The following ZNF277 variants were observed in gnomAD, a reference collection of about 807,000 sequenced individuals.
The protein encoded by ZNF277 is nuclear receptor-interacting factor 4.
ZNF277 carries 55 observed loss-of-function variants against 60.7 expected under a neutral mutation model. The ratio of observed to expected loss-of-function variants is 0.91; its 90% confidence interval spans 0.73 to 1.13. The LOEUF is 1.13. Among genes scored for constraint, ZNF277 ranks in the 50% most tolerant of loss-of-function variants. The probability of loss-of-function intolerance (pLI) is 0.00; values close to 1 mark genes in which losing one functional copy is unlikely to be tolerated. For missense variants in ZNF277, 510 were observed against 523.0 expected (o/e 0.98, Z 0.24); for synonymous variants, 178 against 179.3 (o/e 0.99, Z 0.06).
chr7:112,334,295 C>G (rs1793285392), intron 7 of ZNF277, among the ~76,000 whole-genome samples: 1 of 151,702 alleles, frequency 6.6e-6, no homozygotes, highest in East Asian at 1.9e-4. Context: ...GAGGGGGTGT[C>G]TGAACATCTT....
chr7:112,335,596 T>TA (rs372719088), intron 7 of ZNF277, among the ~76,000 whole-genome samples: 3 of 152,116 alleles, frequency 2.0e-5, no homozygotes, highest in East Asian at 1.9e-4. Flanking sequence ...TTAATCACCT[T>TA]AAAAAAACCT....
At position 112,261,487 on chromosome 7, in the gene ZNF277, T is replaced by G. The variant is rs113550189; in HGVS notation, c.92-25386T>G. 2.1e-3 allele frequency among the ~76,000 whole-genome samples: 313 copies of G among 152,314 alleles called. 2 individuals carry two copies. The highest frequency in any genetic ancestry group is 7.2e-3 in the African/African-American group (299 of 41,582). ...AAACTGATTATTTTATTTTAGCCTA[T>G]ATCGACAATCATTTCTTGCTTTTTC... On this transcript the variant is annotated intron_variant, in intron 1 of 11. Coordinates refer to ENST00000361822, the MANE Select transcript of ZNF277 (RefSeq NM_021994.3).
chr7:112,259,340 AAGTC>A (rs1401769106), intron 1 of ZNF277, among the ~76,000 whole-genome samples: 3 of 152,174 alleles, frequency 2.0e-5, no homozygotes, highest in Non-Finnish European at 4.4e-5. Context: ...ATTAGAAGGA[AAGTC>A]AGTTTTCTCT....
chr7:112,302,850 C>A (rs1327532025), intron 4 of ZNF277, among the ~76,000 whole-genome samples: 1 of 151,832 alleles, frequency 6.6e-6, no homozygotes, highest in African/African-American at 2.4e-5. Flanking sequence ...GAAAGGGAAG[C>A]AATTCAAACT....
chr7:112,218,175 T>G (rs1379667481), intron 1 of ZNF277, among the ~76,000 whole-genome samples: 1 of 152,174 alleles, frequency 6.6e-6, no homozygotes, highest in East Asian at 1.9e-4. Flanking sequence ...GTGGGCAAAA[T>G]GAACCTATTG....
At chr7:112,322,238 A>G (rs1205742801) in intron 5 of ZNF277, among the ~76,000 whole-genome samples, 3 of 148,906 alleles carry the variant, frequency 2.0e-5, no homozygotes, top group Non-Finnish European at 4.4e-5. Context: ...ATTTCTTTAA[A>G]TGTTGTTTCT....
At chr7:112,249,300 G>C (rs951598281) in intron 1 of ZNF277, among the ~76,000 whole-genome samples, 2 of 152,032 alleles carry the variant, frequency 1.3e-5, no homozygotes, top group African/African-American at 2.4e-5. Context: ...TAAATACATA[G>C]GTCCAATGAA....
chr7:112,302,685 C>T (rs185978908), intron 4 of ZNF277, among the ~76,000 whole-genome samples: 5 of 152,092 alleles, frequency 3.3e-5, no homozygotes, highest in African/African-American at 9.6e-5. Context: ...CCACTTTGAG[C>T]ATCTTCAACA....
intron 1 of ZNF277, among the ~76,000 whole-genome samples, chr7:112,257,997 G>C (rs1321776432): frequency 6.6e-6 from 1 of 151,918 alleles, no homozygotes; most frequent in Non-Finnish European, 1.5e-5. Context: ...TTTCTTTGTA[G>C]AGACAGGATC....
In ZNF277 at chr7:112,318,238, T is replaced by C; in HGVS notation, c.522T>C (p.Val174=). Residue 174 remains valine, a synonymous_variant, in exon 5 of 12, where the codon GTT becomes GTC. Coordinates refer to ENST00000361822, the MANE Select transcript of ZNF277 (RefSeq NM_021994.3). Reference sequence around the variant, plus strand: ...GAAATGATACCAATTTTCATGGCGTTTGTATGTTTTGCAATGAAGAATTCC... The same window carrying C: ...GAAATGATACCAATTTTCATGGCGTCTGTATGTTTTGCAATGAAGAATTCC... ...QERNDTNFHG[V]CMFCNEEFLG... 1 of 1,613,494 alleles carries C rather than the reference T, an allele frequency of 6.2e-7. No homozygotes were observed. The highest frequency in any genetic ancestry group is 1.1e-5 in the South Asian group (1 of 91,022).
chr7:112,320,452 A>G (rs1001454317), intron 5 of ZNF277, among the ~76,000 whole-genome samples: 9 of 152,136 alleles, frequency 5.9e-5, no homozygotes, highest in East Asian at 1.9e-4. Flanking sequence ...GATTCCACCT[A>G]TGCACTATAT....
At chr7:112,291,124 C>G (rs1301071562) in intron 2 of ZNF277, among the ~76,000 whole-genome samples, 1 of 152,142 alleles carries the variant, frequency 6.6e-6, no homozygotes, top group Non-Finnish European at 1.5e-5. Flanking sequence ...TCCATTGAGT[C>G]CATTTAACAT....
intron 4 of ZNF277, among the ~76,000 whole-genome samples, chr7:112,300,889 A>T (rs934924541): frequency 3.3e-5 from 5 of 152,044 alleles, no homozygotes; most frequent in African/African-American, 1.2e-4. Flanking sequence ...TCATTTGTCA[A>T]ATCCTACCAG....
intron 1 of ZNF277, among the ~76,000 whole-genome samples, chr7:112,217,478 G>T (rs1487428821): frequency 6.6e-6 from 1 of 152,246 alleles, no homozygotes; most frequent in Non-Finnish European, 1.5e-5. Context: ...GACTGAAACT[G>T]CCTTTGCAAA....
chr7:112,212,726 G>C lies in ZNF277; in HGVS notation c.91+5919G>C, dbSNP rs1452411059. ...GGTGATAACTGCTTATGCTGTCAAT[G>C]CTTTCCTGGAATTTGGGAGTTGTCA... On this transcript the variant is annotated intron_variant, in intron 1 of 11. Coordinates refer to ENST00000361822, the MANE Select transcript of ZNF277 (RefSeq NM_021994.3). Among the ~76,000 whole-genome samples the C allele has an allele frequency of 2.0e-5, 3 of 152,272 alleles. No homozygotes were observed. In the East Asian group the frequency reaches 5.8e-4, roughly 29 times the overall value.
chr7:112,339,475 C>T (rs1793399763), intron 9 of ZNF277, among the ~76,000 whole-genome samples: 1 of 152,176 alleles, frequency 6.6e-6, no homozygotes, highest in East Asian at 1.9e-4. Flanking sequence ...CCCACCACCA[C>T]ACCCAGCCAA....
chr7:112,216,675 GATT>G (rs1239256016), intron 1 of ZNF277, among the ~76,000 whole-genome samples: 1 of 152,182 alleles, frequency 6.6e-6, no homozygotes, highest in Non-Finnish European at 1.5e-5. Context: ...GAGGGAGTGA[GATT>G]ATGTTAGCAT....
At chr7:112,212,117 G>A (rs1053413676) in intron 1 of ZNF277, among the ~76,000 whole-genome samples, 4 of 152,166 alleles carry the variant, frequency 2.6e-5, no homozygotes, top group Non-Finnish European at 4.4e-5. Context: ...TTTAAGGATA[G>A]TATTTCAGTT....
chr7:112,333,263 C>T (rs1276036328), intron 7 of ZNF277, among the ~76,000 whole-genome samples: 1 of 151,978 alleles, frequency 6.6e-6, no homozygotes, highest in Non-Finnish European at 1.5e-5. Context: ...TGGGTTTATA[C>T]ATCTATTTTA....
Sources: gnomAD v4.1 joint callset for allele counts (sites outside exome capture counted in the v4.1 genomes callset) on GRCh38, gnomAD v4.1.1 for gene constraint, MANE v1.5 for transcripts, NCBI Gene and HGNC (gene_info 2026-07-23, HGNC 2026-07-21) for gene names.